Variants in DDC observed in about 807,000 individuals in gnomAD.
DDC encodes aromatic-L-amino-acid decarboxylase.
DDC carries 43 observed loss-of-function variants against 60.0 expected under a neutral mutation model. The ratio of observed to expected loss-of-function variants is 0.72; its 90% CI spans 0.56 to 0.92. The LOEUF is 0.92. Among genes scored for constraint, DDC ranks in the 40% least tolerant of loss-of-function variants. The pLI, the probability that DDC is intolerant of heterozygous loss-of-function variation, is 0.00. For missense variants in DDC, 573 were observed against 620.2 expected (o/e 0.92, Z 0.81); for synonymous variants, 232 against 234.6 (o/e 0.99, Z 0.10).
At chr7:50,564,540 A>G (rs1430966656) in intron 1 of DDC, among the ~76,000 whole-genome samples, 3 of 152,254 alleles carry the variant, frequency 2.0e-5, no homozygotes, top group Non-Finnish European at 4.4e-5. Flanking sequence ...TAACTCACGC[A>G]TGATGGAGAG....
intron 9 of DDC, among the ~76,000 whole-genome samples, chr7:50,489,495 A>G (rs1175456073): frequency 1.3e-5 from 2 of 152,218 alleles, no homozygotes; most frequent in East Asian, 3.8e-4. Context: ...CTATTACAGG[A>G]CTTTGACTCC....
At chr7:50,537,382 A>C (rs940692788) in intron 4 of DDC, among the ~76,000 whole-genome samples, 11 of 152,356 alleles carry the variant, frequency 7.2e-5, no homozygotes, top group African/African-American at 2.4e-4. Flanking sequence ...GGGGCAAGCT[A>C]CCTAATGTTC....
intron 6 of DDC, among the ~76,000 whole-genome samples, chr7:50,524,421 C>T (rs937725829): frequency 1.1e-4 from 16 of 152,288 alleles, no homozygotes; most frequent in Admixed American, 8.5e-4. Flanking sequence ...GTTCTTCCTA[C>T]TTATTTTTCT....
chr7:50,517,755 A>T (rs561576176), intron 6 of DDC, among the ~76,000 whole-genome samples: 1 of 151,460 alleles, frequency 6.6e-6, no homozygotes, highest in Non-Finnish European at 1.5e-5. Flanking sequence ...AATGTACACA[A>T]GTCAGTAGCT....
At chr7:50,525,293 C>T (rs568476739) in intron 6 of DDC, among the ~76,000 whole-genome samples, 1 of 152,074 alleles carries the variant, frequency 6.6e-6, no homozygotes, top group South Asian at 2.1e-4. Context: ...TGAATCAACA[C>T]TTGTGATAAA....
chr7:50,509,282 T>C (rs946421593), intron 6 of DDC, among the ~76,000 whole-genome samples: 15 of 152,256 alleles, frequency 9.9e-5, no homozygotes, highest in Admixed American at 7.8e-4. Context: ...CAGAATGTTC[T>C]GGAATTTTGG....
intron 7 of DDC, among the ~76,000 whole-genome samples, chr7:50,502,958 G>A (rs2043295587): frequency 6.6e-6 from 1 of 152,160 alleles, no homozygotes; most frequent in Non-Finnish European, 1.5e-5. Flanking sequence ...TTCATGTCTA[G>A]CTCACACAAA....
intron 7 of DDC, among the ~76,000 whole-genome samples, chr7:50,503,043 G>A (rs1244080977): frequency 6.6e-6 from 1 of 152,186 alleles, no homozygotes; most frequent in African/African-American, 2.4e-5. Flanking sequence ...AGGAGAGGAG[G>A]GTCCACTCCT....
chr7:50,523,780 C>G (rs2043963500), intron 6 of DDC, among the ~76,000 whole-genome samples: 1 of 152,184 alleles, frequency 6.6e-6, no homozygotes, highest in Admixed American at 6.5e-5. Flanking sequence ...AAACTTTAAG[C>G]ACACTCTTAC....
At chr7:50,484,933 C>CTTTG (rs2042850615) in intron 9 of DDC, among the ~76,000 whole-genome samples, 2 of 152,174 alleles carry the variant, frequency 1.3e-5, no homozygotes, top group Admixed American at 1.3e-4. Flanking sequence ...ATAAAGGGTT[C>CTTTG]CCAGATCTAA....
chr7:50,488,727 T>TA (rs2042937622), intron 9 of DDC, among the ~76,000 whole-genome samples: 6 of 152,122 alleles, frequency 3.9e-5, no homozygotes, highest in Admixed American at 3.9e-4. Flanking sequence ...ACTAATAAAC[T>TA]AAAAAAATTG....
At chr7:50,511,667 T>C (rs2043584546) in intron 6 of DDC, among the ~76,000 whole-genome samples, 1 of 151,986 alleles carries the variant, frequency 6.6e-6, no homozygotes, top group Non-Finnish European at 1.5e-5. Flanking sequence ...AGGCAGAGGT[T>C]GCAGTGAGCC....
intron 8 of DDC, among the ~76,000 whole-genome samples, chr7:50,495,939 T>C (rs1277863630): frequency 2.6e-5 from 4 of 152,234 alleles, no homozygotes; most frequent in Non-Finnish European, 5.9e-5. Flanking sequence ...GTTCTCAGAC[T>C]ACACGTGTCA....
intron 7 of DDC, among the ~76,000 whole-genome samples, chr7:50,502,694 G>T (rs1270357270): frequency 6.6e-6 from 1 of 152,210 alleles, no homozygotes; most frequent in Non-Finnish European, 1.5e-5. Context: ...TGTGAGAGCG[G>T]GTAAGTCTAT....
chr7:50,483,764 C>T (rs1449927175), intron 9 of DDC, among the ~76,000 whole-genome samples: 1 of 151,948 alleles, frequency 6.6e-6, no homozygotes, highest in African/African-American at 2.4e-5. Flanking sequence ...ATTAGCTGGG[C>T]ATGGCGGCGG....
At chr7:50,547,220 T>C (rs890391899) in intron 1 of DDC, among the ~76,000 whole-genome samples, 2 of 150,298 alleles carry the variant, frequency 1.3e-5, no homozygotes, top group African/African-American at 4.9e-5. Context: ...TTTTTTTTTG[T>C]TTTTTTTTGA....
At chr7:50,502,970 G>A (rs149826428) in intron 7 of DDC, among the ~76,000 whole-genome samples, 1 of 152,298 alleles carries the variant, frequency 6.6e-6, no homozygotes, top group Non-Finnish European at 1.5e-5. Context: ...TCACACAAAG[G>A]CACCTGCACC....
intron 7 of DDC, among the ~76,000 whole-genome samples, chr7:50,500,709 G>A (rs1397059481): frequency 1.3e-5 from 2 of 152,234 alleles, no homozygotes; most frequent in African/African-American, 4.8e-5. Context: ...ATGCCCTGGG[G>A]TGGATATCCG....
chr7:50,545,904 A>T (rs1399805747), intron 1 of DDC, among the ~76,000 whole-genome samples: 1 of 152,214 alleles, frequency 6.6e-6, no homozygotes, highest in African/African-American at 2.4e-5. Flanking sequence ...TCTTGTGCAT[A>T]GGATGGCACA....
Sources: gnomAD v4.1 joint callset for allele counts (sites outside exome capture counted in the v4.1 genomes callset) on GRCh38, gnomAD v4.1.1 for gene constraint, MANE v1.5 for transcripts, NCBI Gene and HGNC (gene_info 2026-07-23, HGNC 2026-07-21) for gene names.